RBM6: variants seen among roughly 807,000 people sequenced by gnomAD.
The protein encoded by RBM6 is RNA binding motif protein 6.
Under a neutral mutation model 140.4 loss-of-function variants are expected in RBM6, and 23 were observed. That is an observed-to-expected ratio of 0.16 (90% CI 0.12 to 0.23). The LOEUF (loss-of-function observed/expected upper bound fraction) is 0.23. Among genes scored for constraint, RBM6 ranks in the 10% least tolerant of loss-of-function variants. The probability of loss-of-function intolerance (pLI) is 1.00; values close to 1 mark genes in which losing one functional copy is unlikely to be tolerated. For synonymous variants in RBM6, 439 were observed against 475.6 expected (o/e 0.92, Z 1.00); for missense variants, 1,139 against 1,386.7 (o/e 0.82, Z 2.84).
intron 6 of RBM6, among the ~76,000 whole-genome samples, chr3:50,005,827 G>A (rs1159553854): frequency 6.6e-6 from 1 of 152,102 alleles, no homozygotes; most frequent in Non-Finnish European, 1.5e-5. Flanking sequence ...TTCAATTTCA[G>A]TACTTTTTCC....
rs1432105477 is a variant in RBM6, at chr3:49,968,107, A to G, written c.682A>G (p.Lys228Glu). 6.2e-7 allele frequency: 1 copy of G among 1,614,226 alleles called. No individual in the cohort carries two copies. The highest frequency in any genetic ancestry group is 2.2e-5 in the East Asian group (1 of 44,888). Reference sequence around the variant, plus strand: ...TGTATCTGATTTGGACTTTAGAGACAAAGACGGAACACAAGTAGACTTTAG... The same window carrying G: ...TGTATCTGATTTGGACTTTAGAGACGAAGACGGAACACAAGTAGACTTTAG... ...RDVSDLDFRDKDGTQVDFRGR... is the reference protein window; with the variant it reads ...RDVSDLDFRDEDGTQVDFRGR... Residue 228 changes from lysine to glutamate, a missense_variant, in exon 3 of 21, where the codon AAA becomes GAA. Lys to Glu is a moderately conservative substitution (Grantham distance 56, BLOSUM62 1). Coordinates refer to ENST00000266022, the MANE Select transcript of RBM6 (RefSeq NM_005777.3).
Position 50,065,058 on chromosome 3 carries a change from G to A in RBM6, c.2614G>A (p.Ala872Thr). Residue 872 changes from alanine to threonine, a missense_variant, in exon 16 of 21, where the codon GCC becomes ACC. Transcript: ENST00000266022. ...TCAGGAAAATGCCAGTGAAGGGAAGGCCCCTGCAGAAGACGTCTTTAAGAA... is the reference window on the plus strand; with the variant it reads ...TCAGGAAAATGCCAGTGAAGGGAAGACCCCTGCAGAAGACGTCTTTAAGAA... ...RFQENASEGKAPAEDVFKKPL... is the reference protein window; with the variant it reads ...RFQENASEGKTPAEDVFKKPL... 1.2e-6 allele frequency: 2 copies of A among 1,613,784 alleles called. No homozygotes were observed. Among genetic ancestry groups the A allele is most frequent in the Non-Finnish European group, 1.7e-6 (2 of 1,179,780 alleles).
At chr3:49,969,701 G>C (rs911929922) in intron 3 of RBM6, among the ~76,000 whole-genome samples, 1 of 151,210 alleles carries the variant, frequency 6.6e-6, no homozygotes, top group Non-Finnish European at 1.5e-5. Flanking sequence ...AGGCTCAAGC[G>C]ATCCTCCCAC....
At chr3:50,019,078 C>G (rs1051298184) in intron 6 of RBM6, among the ~76,000 whole-genome samples, 1 of 151,672 alleles carries the variant, frequency 6.6e-6, no homozygotes, top group Non-Finnish European at 1.5e-5. Context: ...CTCTTTCACC[C>G]AGGCTGGAGT....
Position 49,975,311 on chromosome 3 carries a change from A to G in RBM6, c.1414-12A>G, listed in dbSNP as rs199960174. ...GATTTGTATCATTTGTATAAATGCC[A>G]TATTTTTGCAGATTCTTAATGCTTT... On this transcript the variant is annotated splice_polypyrimidine_tract_variant and intron_variant, in intron 4 of 20. Transcript: ENST00000266022. 6.6e-5 allele frequency: 106 copies of G among 1,600,918 alleles called. No individual in the cohort carries two copies. Among genetic ancestry groups the G allele is most frequent in the Middle Eastern group, 3.3e-4 (2 of 6,038 alleles).
At chr3:49,990,259 A>G (rs551884041) in intron 5 of RBM6, among the ~76,000 whole-genome samples, 29 of 152,300 alleles carry the variant, frequency 1.9e-4, no homozygotes, top group African/African-American at 5.3e-4. Flanking sequence ...CAGCTAGGCT[A>G]TATTGTATAG....
intron 1 of RBM6, among the ~76,000 whole-genome samples, chr3:49,944,136 C>T (rs1246372998): frequency 6.6e-6 from 1 of 152,108 alleles, no homozygotes; most frequent in African/African-American, 2.4e-5. Flanking sequence ...AGTTTCTGTA[C>T]CCATTGAATA....
intron 10 of RBM6, chr3:50,059,310 A>G: frequency 6.0e-6 from 1 of 167,214 alleles, no homozygotes; most frequent in African/African-American, 2.4e-5. Flanking sequence ...AATGAAAGTC[A>G]TTGGTATTTC....
chr3:49,990,893 T>C (rs1429832254), intron 5 of RBM6, among the ~76,000 whole-genome samples: 1 of 152,192 alleles, frequency 6.6e-6, no homozygotes, highest in Non-Finnish European at 1.5e-5. Flanking sequence ...AAAAGTTTTT[T>C]TCCCCTCTTG....
chr3:50,069,948 C>T (rs923173413), intron 18 of RBM6, among the ~76,000 whole-genome samples: 2 of 152,172 alleles, frequency 1.3e-5, no homozygotes, highest in East Asian at 1.9e-4. Flanking sequence ...CGGAACCAAG[C>T]GTGCCAACTT....
chr3:50,000,567 T>C (rs886917224), intron 6 of RBM6, among the ~76,000 whole-genome samples: 2 of 151,896 alleles, frequency 1.3e-5, no homozygotes, highest in Non-Finnish European at 2.9e-5. Context: ...ATTACAGGCA[T>C]GCGCCACCAC....
chr3:49,979,006 G>T (rs1348186201), intron 5 of RBM6, among the ~76,000 whole-genome samples: 1 of 152,134 alleles, frequency 6.6e-6, no homozygotes. Flanking sequence ...CAATGAAGAA[G>T]AAACTACTCA....
At position 49,975,322 on chromosome 3, in the gene RBM6, G is replaced by A; in HGVS notation, c.1414-1G>A. On this transcript the variant is annotated splice_acceptor_variant, in intron 4 of 20. Coordinates refer to ENST00000266022, the MANE Select transcript of RBM6 (RefSeq NM_005777.3). LOFTEE classifies it high-confidence loss of function. ...TTTGTATAAATGCCATATTTTTGCAGATTCTTAATGCTTTTCGGACTCCTG... is the reference window on the plus strand; with the variant it reads ...TTTGTATAAATGCCATATTTTTGCAAATTCTTAATGCTTTTCGGACTCCTG... 6.2e-7 allele frequency: 1 copy of A among 1,610,430 alleles called. No homozygotes were observed. The highest frequency in any genetic ancestry group is 8.5e-7 in the Non-Finnish European group (1 of 1,176,730).
chr3:49,946,529 C>T (rs1037719086), intron 1 of RBM6, among the ~76,000 whole-genome samples: 3 of 151,762 alleles, frequency 2.0e-5, no homozygotes, highest in East Asian at 1.9e-4. Context: ...CATGAGCCAC[C>T]GCGCCTGGCA....
intron 1 of RBM6, among the ~76,000 whole-genome samples, chr3:49,961,526 C>T (rs371781764): frequency 2.3e-4 from 35 of 151,852 alleles, no homozygotes; most frequent in Admixed American, 4.6e-4. Context: ...TCTGGCCGGG[C>T]ACGGTGGCTC....
At chr3:49,955,561 G>T (rs1185218942) in intron 1 of RBM6, among the ~76,000 whole-genome samples, 1 of 151,970 alleles carries the variant, frequency 6.6e-6, no homozygotes, top group Non-Finnish European at 1.5e-5. Flanking sequence ...ATGTATCCTA[G>T]GCTGGGCGCA....
intron 19 of RBM6, among the ~76,000 whole-genome samples, chr3:50,070,954 A>G (rs1575883217): frequency 6.6e-6 from 1 of 152,208 alleles, no homozygotes. Context: ...CTAGCTTCCT[A>G]TACTTGTTTT....
intron 6 of RBM6, 53 bp downstream of exon 6, chr3:49,999,566 T>C (rs1242246898): frequency 6.4e-6 from 9 of 1,401,450 alleles, no homozygotes; most frequent in Non-Finnish European, 9.1e-6. Context: ...TTTTTATATA[T>C]GGGGAGGGAG....
At chr3:50,070,184 G>A (rs571254554) in intron 18 of RBM6, among the ~76,000 whole-genome samples, 2 of 152,094 alleles carry the variant, frequency 1.3e-5, no homozygotes, top group African/African-American at 4.8e-5. Flanking sequence ...GTGAAACCCC[G>A]TCTCTACTAA....
Sources: allele counts gnomAD v4.1 joint callset (sites outside exome capture counted in the v4.1 genomes callset), GRCh38; gene constraint gnomAD v4.1.1; transcripts MANE v1.5; gene names NCBI Gene and HGNC (gene_info 2026-07-23, HGNC 2026-07-21).